Variants in PDE4D observed in about 807,000 individuals in gnomAD.
The protein encoded by PDE4D is phosphodiesterase 4D.
A neutral mutation model predicts 87.4 loss-of-function variants in PDE4D; 24 were observed. That is an observed-to-expected ratio of 0.27 (90% CI 0.20 to 0.39). PDE4D has a LOEUF of 0.39. Among genes scored for constraint, PDE4D ranks in the 10% least tolerant of loss-of-function variants. PDE4D has a pLI of 1.00. For synonymous variants in PDE4D, 384 were observed against 383.2 expected (o/e 1.00, Z -0.02); for missense variants, 714 against 1,041.0 (o/e 0.69, Z 4.32).
Position 59,519,399 on chromosome 5 carries a change from T to C in PDE4D, c.456-303431A>G, listed in dbSNP as rs574263580. Among the ~76,000 whole-genome samples the C allele has an allele frequency of 1.3e-4, 20 of 152,252 alleles. No individual in the cohort carries two copies. The East Asian group carries it at 3.1e-3, about 24-fold the overall frequency. ...AAAGGATTACTGCTAAAGTAACATA[T>C]GAGCGATGATCTGAAGGGCAGGATG... On this transcript the variant is annotated intron_variant, in intron 1 of 14. Transcript: ENST00000340635.
chr5:59,167,648 C>G (rs1782114359), intron 5 of PDE4D, among the ~76,000 whole-genome samples: 1 of 152,196 alleles, frequency 6.6e-6, no homozygotes, highest in African/African-American at 2.4e-5. Context: ...CTGCTCCATT[C>G]TTCCTCTCTC....
chr5:59,982,754 C>T (rs1329267366), intron 3 of PDE4D, among the ~76,000 whole-genome samples: 1 of 152,190 alleles, frequency 6.6e-6, no homozygotes, highest in African/African-American at 2.4e-5. Context: ...CTTTCTGAAA[C>T]AGGAGCCAAT....
chr5:59,952,406 G>A (rs1267962479), intron 3 of PDE4D, among the ~76,000 whole-genome samples: 1 of 152,122 alleles, frequency 6.6e-6, no homozygotes, highest in Non-Finnish European at 1.5e-5. Flanking sequence ...CAAGCTCTAA[G>A]CTTTCATGTC....
intron 1 of PDE4D, among the ~76,000 whole-genome samples, chr5:59,599,503 A>G (rs1205428255): frequency 1.3e-5 from 2 of 152,024 alleles, no homozygotes; most frequent in Non-Finnish European, 2.9e-5. Flanking sequence ...GGTCTCCCAA[A>G]GTGTAAAACA....
intron 1 of PDE4D, among the ~76,000 whole-genome samples, chr5:59,859,654 C>T (rs1039637972): frequency 6.6e-6 from 1 of 152,116 alleles, no homozygotes; most frequent in Non-Finnish European, 1.5e-5. Flanking sequence ...CTGAAATTGA[C>T]TCCTTTTGTG....
chr5:59,199,998 G>GCATGCAACATACATA (rs1400135287), intron 2 of PDE4D, among the ~76,000 whole-genome samples: 2 of 148,494 alleles, frequency 1.3e-5, no homozygotes, highest in Non-Finnish European at 3.0e-5. Flanking sequence ...ATGCATACAT[G>GCATGCAACATACATA]CATGCAACAT....
rs535920349 is a variant in PDE4D at position 60,344,704 on chromosome 5, G to A, written c.-90+143238C>T. Among the ~76,000 whole-genome samples the A allele has an allele frequency of 6.6e-5, 10 of 152,078 alleles. No individual in the cohort carries two copies. The East Asian group carries it at 1.5e-3, about 24-fold the overall frequency. On this transcript the variant is annotated intron_variant, in intron 1 of 16. Coordinates refer to the PDE4D transcript ENST00000502484. Reference sequence around the variant, plus strand: ...AGATAAATAGTTTAAACACACACACGCAAACAGATGAATTTACTCAATTTT... The same window carrying A: ...AGATAAATAGTTTAAACACACACACACAAACAGATGAATTTACTCAATTTT...
chr5:59,990,679 G>T (rs887733575), intron 2 of PDE4D, among the ~76,000 whole-genome samples: 32 of 152,110 alleles, frequency 2.1e-4, no homozygotes, highest in Admixed American at 9.2e-4. Context: ...TCTTTATTAA[G>T]TAGTGCCGTG....
At chr5:59,375,125 C>T (rs1481474843) in intron 1 of PDE4D, among the ~76,000 whole-genome samples, 1 of 152,116 alleles carries the variant, frequency 6.6e-6, no homozygotes, top group Non-Finnish European at 1.5e-5. Flanking sequence ...ACTAAAAGAA[C>T]TAGAGAACCA....
intron 5 of PDE4D, among the ~76,000 whole-genome samples, chr5:59,155,233 C>T (rs1181312478): frequency 2.0e-5 from 3 of 152,122 alleles, no homozygotes; most frequent in Admixed American, 2.0e-4. Flanking sequence ...TTCTAGAATA[C>T]TCACATTTAA....
intron 5 of PDE4D, among the ~76,000 whole-genome samples, chr5:59,174,738 C>T (rs1041837350): frequency 2.6e-5 from 4 of 152,146 alleles, no homozygotes; most frequent in Middle Eastern, 3.4e-3. Context: ...AAAGGCCACC[C>T]GAATCTAATG....
chr5:59,545,937 A>G (rs949216716), intron 1 of PDE4D, among the ~76,000 whole-genome samples: 1 of 152,190 alleles, frequency 6.6e-6, no homozygotes, highest in Non-Finnish European at 1.5e-5. Context: ...TCAAATACTC[A>G]CTTGCATTAA....
chr5:60,238,341 C>G (rs780973116), intron 1 of PDE4D, among the ~76,000 whole-genome samples: 8 of 151,846 alleles, frequency 5.3e-5, no homozygotes, highest in Non-Finnish European at 1.0e-4. Flanking sequence ...TTTTGAGTAT[C>G]ATGCTATTTC....
intron 1 of PDE4D, among the ~76,000 whole-genome samples, chr5:59,298,536 G>A (rs1419737856): frequency 2.0e-5 from 3 of 152,116 alleles, no homozygotes; most frequent in Non-Finnish European, 2.9e-5. Flanking sequence ...ATGGAACTTT[G>A]CTTTCCTCCT....
intron 1 of PDE4D, among the ~76,000 whole-genome samples, chr5:59,298,623 A>G (rs1769569836): frequency 6.6e-6 from 1 of 152,216 alleles, no homozygotes; most frequent in African/African-American, 2.4e-5. Context: ...TGGTGGAAAC[A>G]CAATTGTTTT....
chr5:59,135,815 C>T (rs183998991), intron 5 of PDE4D, among the ~76,000 whole-genome samples: 131 of 152,274 alleles, frequency 8.6e-4, no homozygotes, highest in African/African-American at 3.1e-3. Context: ...CAAATCTCTA[C>T]ATAGCATGAG....
At chr5:59,154,206 A>T (rs1308732717) in intron 5 of PDE4D, among the ~76,000 whole-genome samples, 2 of 152,344 alleles carry the variant, frequency 1.3e-5, no homozygotes, top group Middle Eastern at 3.4e-3. Context: ...TGCTGGCATC[A>T]TGGAAGGCCA....
At chr5:59,847,963 T>C (rs550652887) in intron 1 of PDE4D, among the ~76,000 whole-genome samples, 2 of 152,238 alleles carry the variant, frequency 1.3e-5, no homozygotes, top group East Asian at 3.9e-4. Flanking sequence ...TCATTATGTT[T>C]CTTATTTCAT....
intron 4 of PDE4D, among the ~76,000 whole-genome samples, chr5:59,184,413 T>A (rs1742399728): frequency 6.6e-6 from 1 of 152,216 alleles, no homozygotes. Context: ...GTAACTACTA[T>A]GAAATGTTAT....
Sources: gnomAD v4.1 joint callset for allele counts (sites outside exome capture counted in the v4.1 genomes callset) on GRCh38, gnomAD v4.1.1 for gene constraint, MANE v1.5 for transcripts, NCBI Gene and HGNC (gene_info 2026-07-23, HGNC 2026-07-21) for gene names.